MPC1: variants seen among roughly 807,000 people sequenced by gnomAD.
The protein encoded by MPC1 is HSPC040 protein.
MPC1 carries 6 observed loss-of-function variants against 13.9 expected under a neutral mutation model. The ratio of observed to expected loss-of-function variants is 0.43; its 90% CI spans 0.24 to 0.85. The LOEUF (loss-of-function observed/expected upper bound fraction) is 0.85, where lower values mean the gene tolerates loss of function less well. Ranked by LOEUF, MPC1 falls within the 40% of genes least tolerant of loss-of-function variation. The pLI, the probability that MPC1 is intolerant of heterozygous loss-of-function variation, is 0.24. For synonymous variants in MPC1, 47 were observed against 50.5 expected (o/e 0.93, Z 0.29); for missense variants, 115 against 143.3 (o/e 0.80, Z 1.01).
chr6:166,369,391 G>A (rs918437958), intron 2 of MPC1: 1 of 152,366 alleles, frequency 6.6e-6, no homozygotes, highest in African/African-American at 2.4e-5. Flanking sequence ...AACAGAGCAA[G>A]ACTCCATCTC....
chr6:166,373,907 G>A (rs954751553), intron 1 of MPC1, among the ~76,000 whole-genome samples: 4 of 152,176 alleles, frequency 2.6e-5, no homozygotes, highest in South Asian at 2.1e-4. Flanking sequence ...ATCTGAACAC[G>A]GAGAGGTATC....
intron 2 of MPC1, among the ~76,000 whole-genome samples, chr6:166,368,204 C>T (rs927750624): frequency 2.0e-5 from 3 of 152,162 alleles, no homozygotes; most frequent in East Asian, 1.9e-4. Context: ...TACATTTAGA[C>T]GAGGTGACTA....
intron 1 of MPC1, chr6:166,381,854 A>C (rs929466672): frequency 1.6e-5 from 16 of 979,108 alleles, no homozygotes; most frequent in Non-Finnish European, 1.9e-5. Flanking sequence ...CTTCCTCCCA[A>C]GCTTAAAGTC....
intron 1 of MPC1, among the ~76,000 whole-genome samples, chr6:166,371,950 G>A (rs1046219349): frequency 3.3e-5 from 5 of 152,126 alleles, no homozygotes; most frequent in Admixed American, 1.3e-4. Flanking sequence ...TCCATAGAAG[G>A]AGAAACTGCA....
At chr6:166,376,546 TC>T (rs1779576849) in intron 1 of MPC1, among the ~76,000 whole-genome samples, 1 of 152,226 alleles carries the variant, frequency 6.6e-6, no homozygotes, top group Non-Finnish European at 1.5e-5. Context: ...TCTTCTTTAC[TC>T]AGTCTACTGA....
At chr6:166,368,694 T>C in intron 2 of MPC1, 1 of 928,152 alleles carries the variant, frequency 1.1e-6, no homozygotes, top group Non-Finnish European at 1.3e-6. Context: ...CCCCAGACTT[T>C]TGTAAGGGAG....
At chr6:166,371,192 GCTTA>G (rs1779367389) in intron 1 of MPC1, among the ~76,000 whole-genome samples, 1 of 152,110 alleles carries the variant, frequency 6.6e-6, no homozygotes, top group Admixed American at 6.5e-5. Context: ...TTTCCCTTCT[GCTTA>G]CTAACACATT....
chr6:166,380,424 T>C (rs184255157), intron 1 of MPC1, among the ~76,000 whole-genome samples: 178 of 152,352 alleles, frequency 1.2e-3, no homozygotes, highest in Non-Finnish European at 2.2e-3. Context: ...TTCTCTTCTT[T>C]TCCTTATTTA....
chr6:166,372,876 G>T (rs1401152774), intron 1 of MPC1, among the ~76,000 whole-genome samples: 5 of 151,930 alleles, frequency 3.3e-5, no homozygotes, highest in African/African-American at 4.8e-5. Context: ...CAGTAAAAAA[G>T]CAAACAAACA....
chr6:166,372,033 A>G (rs532479561), intron 1 of MPC1, among the ~76,000 whole-genome samples: 4 of 152,326 alleles, frequency 2.6e-5, no homozygotes, highest in African/African-American at 9.6e-5. Flanking sequence ...ATATACAAAT[A>G]TAATTATCCA....
chr6:166,381,663 A>G (rs1432075450), intron 1 of MPC1, among the ~76,000 whole-genome samples: 1 of 152,222 alleles, frequency 6.6e-6, no homozygotes, highest in African/African-American at 2.4e-5. Context: ...CCCCAAGATG[A>G]GAGGTGCAAA....
At chr6:166,376,623 A>C (rs924111247) in intron 1 of MPC1, among the ~76,000 whole-genome samples, 1 of 152,236 alleles carries the variant, frequency 6.6e-6, no homozygotes, top group African/African-American at 2.4e-5. Flanking sequence ...TTTACCATCT[A>C]TCTGGGTATC....
At chr6:166,381,650 G>A (rs1779787631) in intron 1 of MPC1, among the ~76,000 whole-genome samples, 1 of 152,122 alleles carries the variant, frequency 6.6e-6, no homozygotes, top group Non-Finnish European at 1.5e-5. Flanking sequence ...ATAAAAGCAA[G>A]CGCCCCAAGA....
intron 1 of MPC1, among the ~76,000 whole-genome samples, chr6:166,382,554 C>G (rs560797688): frequency 6.6e-6 from 1 of 151,928 alleles, no homozygotes; most frequent in South Asian, 2.1e-4. Context: ...CCCTGAGGGG[C>G]GCCCACTGTC....
rs142321911 is a variant in MPC1, at chr6:166,373,175, C to G, written c.72-2954G>C. ...CAGGATTGTTACCCAAAGTCCATAT[C>G]TACATTAAGGTTCCCTGTTAGTGCT... is the stretch of plus-strand genomic sequence containing the variant. On this transcript the variant is annotated intron_variant, in intron 1 of 4. Coordinates refer to ENST00000360961, the MANE Select transcript of MPC1 (RefSeq NM_016098.4). Among the ~76,000 whole-genome samples the G allele has an allele frequency of 6.0e-4, 92 of 152,246 alleles. 3 individuals are homozygous for G. The East Asian group carries it at 0.015, about 26-fold the overall frequency.
chr6:166,369,202 G>A (rs748111243), intron 2 of MPC1, among the ~76,000 whole-genome samples: 7 of 152,204 alleles, frequency 4.6e-5, no homozygotes, highest in African/African-American at 1.7e-4. Context: ...AGGAGTTTGA[G>A]ACCAGCCTGA....
chr6:166,374,629 T>C (rs1779504773), intron 1 of MPC1, among the ~76,000 whole-genome samples: 1 of 152,212 alleles, frequency 6.6e-6, no homozygotes, highest in African/African-American at 2.4e-5. Context: ...TCTACATTCG[T>C]TTCTGTTTTG....
At chr6:166,366,950 C>G (rs997753811) in intron 2 of MPC1, 59 bp from the exon 3 acceptor site, 2 of 1,611,264 alleles carry the variant, frequency 1.2e-6, no homozygotes, top group African/African-American at 2.7e-5. Context: ...GAACTATAAA[C>G]AGCTGAAATT....
intron 1 of MPC1, among the ~76,000 whole-genome samples, chr6:166,379,741 A>G (rs2114978783): frequency 6.6e-6 from 1 of 152,358 alleles, no homozygotes; most frequent in Non-Finnish European, 1.5e-5. Context: ...CTGATGAAGT[A>G]AAAAGAGGAA....
Sources: gnomAD v4.1 joint callset for allele counts (sites outside exome capture counted in the v4.1 genomes callset) on GRCh38, gnomAD v4.1.1 for gene constraint, MANE v1.5 for transcripts, NCBI Gene and HGNC (gene_info 2026-07-23, HGNC 2026-07-21) for gene names.